Variants in NUP205 observed in about 807,000 individuals in gnomAD.
The protein encoded by NUP205 is nuclear pore complex protein Nup205.
NUP205 carries 76 observed loss-of-function variants against 253.8 expected under a neutral mutation model. The ratio of observed to expected loss-of-function variants is 0.30; its 90% confidence interval spans 0.25 to 0.36. The LOEUF (loss-of-function observed/expected upper bound fraction) is 0.36. NUP205 is among the 10% of genes least tolerant of loss of function. NUP205 has a pLI of 1.00. For synonymous variants in NUP205, 832 were observed against 850.1 expected (o/e 0.98, Z 0.37); for missense variants, 2,162 against 2,425.5 (o/e 0.89, Z 2.28).
chr7:135,566,545 A>G (rs2129489566), intron 1 of NUP205, among the ~76,000 whole-genome samples: 1 of 152,268 alleles, frequency 6.6e-6, no homozygotes, highest in East Asian at 1.9e-4. Context: ...AAAGCAGGGA[A>G]TTGGATGATC....
intron 42 of NUP205, 38 bp downstream of exon 42, chr7:135,646,269 T>C (rs1795007985): frequency 6.9e-7 from 1 of 1,456,656 alleles, no homozygotes. Flanking sequence ...TTTTTCTTCA[T>C]TAAAGTAAAA....
At chr7:135,571,671 G>A (rs1256364882) in intron 2 of NUP205, among the ~76,000 whole-genome samples, 1 of 151,956 alleles carries the variant, frequency 6.6e-6, no homozygotes, top group African/African-American at 2.4e-5. Context: ...TGGAGAATGG[G>A]GAGTCATTCA....
Position 135,645,587 on chromosome 7 carries a change from A to C in NUP205, c.5803A>C (p.Arg1935=). 1 of 1,613,900 alleles carries C rather than the reference A, an allele frequency of 6.2e-7. No individual in the cohort carries two copies. Among genetic ancestry groups the C allele is most frequent in the South Asian group, 1.1e-5 (1 of 91,022 alleles). ...CTCGAGAACCTTGTTTAAAAGCAGA[A>C]GACTGCAAGGTAAACTTTCTGCTAA... ...FASRTLFKSR[R]LQDSFASETN... The change falls in exon 41 of 43, where the codon AGA becomes CGA. Residue 1935 remains arginine, a synonymous_variant. Transcript: ENST00000285968.
Position 135,626,233 on chromosome 7 carries a change from T to C in NUP205, c.4672-7T>C, listed in dbSNP as rs1563134587. The C allele has an allele frequency of 1.2e-6, 2 of 1,614,018 alleles. No individual in the cohort carries two copies. Among genetic ancestry groups the C allele is most frequent in the Non-Finnish European group, 1.7e-6 (2 of 1,179,966 alleles). ...GCACTGATGATTTTTCTCTTGTAAC[T>C]CCTCAGGCATTTCTCACAAGAGTGG... On this transcript the variant is annotated splice_region_variant and splice_polypyrimidine_tract_variant and intron_variant, in intron 32 of 42. Coordinates refer to ENST00000285968, the MANE Select transcript of NUP205 (RefSeq NM_015135.3).
chr7:135,601,538 A>G, intron 17 of NUP205, 31 bp downstream of exon 17: 5 of 1,594,218 alleles, frequency 3.1e-6, no homozygotes, highest in Non-Finnish European at 4.3e-6. Flanking sequence ...ATGTCTTGCA[A>G]ACAGCTTTGA....
chr7:135,561,452 T>G (rs1361879297), intron 1 of NUP205, among the ~76,000 whole-genome samples: 1 of 152,238 alleles, frequency 6.6e-6, no homozygotes, highest in African/African-American at 2.4e-5. Context: ...ACTCACAGAC[T>G]TGTGAATAAG....
At chr7:135,581,776 C>T (rs1806312662) in intron 7 of NUP205, among the ~76,000 whole-genome samples, 1 of 150,852 alleles carries the variant, frequency 6.6e-6, no homozygotes, top group African/African-American at 2.4e-5. Flanking sequence ...TTGCTTGAAC[C>T]TAGTGGGCAG....
At chr7:135,636,188 G>T (rs538576909) in intron 36 of NUP205, among the ~76,000 whole-genome samples, 85 of 152,236 alleles carry the variant, frequency 5.6e-4, no homozygotes, top group South Asian at 1.5e-3. Context: ...CTTTCTGGGA[G>T]CCTCTTGGCC....
intron 1 of NUP205, among the ~76,000 whole-genome samples, chr7:135,564,378 C>G (rs1430183084): frequency 1.3e-5 from 2 of 151,640 alleles, no homozygotes; most frequent in African/African-American, 2.4e-5. Context: ...TCCCAAGTAA[C>G]TGGGATTACA....
chr7:135,567,815 T>C (rs146219519), intron 1 of NUP205, among the ~76,000 whole-genome samples: 304 of 152,326 alleles, frequency 2.0e-3, no homozygotes, highest in Middle Eastern at 3.4e-3. Context: ...TGTTGAGTAA[T>C]TGGTTTTGAC....
At chr7:135,619,912 C>G (rs748266570) in intron 30 of NUP205, 24 bp downstream of exon 30, 1 of 1,445,298 alleles carries the variant, frequency 6.9e-7, no homozygotes. Context: ...AATTCCTAAT[C>G]TTTTCTGGAT....
In NUP205 at chr7:135,644,747, G is replaced by A. The variant is rs997394803; in HGVS notation, c.5560-148G>A. The A allele has an allele frequency of 1.3e-5, 9 of 702,098 alleles. No individual in the cohort carries two copies. In the East Asian group the frequency reaches 2.4e-4, roughly 19 times the overall value. The allele number at this position is 702,098 out of a possible 1,614,324, so 43.5% of individuals were successfully genotyped here. On this transcript the variant is annotated intron_variant, in intron 39 of 42. Transcript: ENST00000285968. Reference sequence around the variant, plus strand: ...TGGCTGTAATTTTTAAAAATTGCTAGCTTCTTAGATAAAAACTCTTATCTG... The same window carrying A: ...TGGCTGTAATTTTTAAAAATTGCTAACTTCTTAGATAAAAACTCTTATCTG...
intron 27 of NUP205, 103 bp from the exon 28 acceptor site, chr7:135,618,309 G>A: frequency 1.1e-6 from 1 of 874,048 alleles, no homozygotes; most frequent in African/African-American, 1.7e-5. Context: ...CTGCTTCCTG[G>A]CATGCATGTA....
chr7:135,603,111 A>AATT, intron 18 of NUP205, 117 bp downstream of exon 18: 1 of 485,926 alleles, frequency 2.1e-6, no homozygotes, highest in Non-Finnish European at 3.1e-6. Flanking sequence ...GCCTCATTTT[A>AATT]CTTTTTTTTT....
chr7:135,595,653 G>A (rs1011513036), intron 13 of NUP205, among the ~76,000 whole-genome samples: 2 of 152,112 alleles, frequency 1.3e-5, no homozygotes, highest in Non-Finnish European at 2.9e-5. Context: ...TCTGTACCCT[G>A]AGGGAATGTA....
chr7:135,565,647 G>T (rs932350956), intron 1 of NUP205, among the ~76,000 whole-genome samples: 1 of 151,970 alleles, frequency 6.6e-6, no homozygotes, highest in African/African-American at 2.4e-5. Flanking sequence ...GATCAGGCTG[G>T]TCTCGAACTC....
At position 135,629,469 on chromosome 7, in the gene NUP205, A is replaced by ATCTCTCTCTCTCTCTCTCTCTCTCTCTC. The variant is rs201403059; in HGVS notation, c.4933-861_4933-834dup. The stretch of plus-strand genomic sequence containing the variant: ...AGCCTGGGCAACATAGTGAGACCCT[A>ATCTCTCTCTCTCTCTCTCTCTCTCTCTC]TCTCTCTCTCTCTCTCTCTCTCTCT... On this transcript the variant is annotated intron_variant, in intron 34 of 42. Transcript: ENST00000285968. 1.1e-3 allele frequency among the ~76,000 whole-genome samples: 137 copies of ATCTCTCTCTCTCTCTCTCTCTCTCTCTC among 119,780 alleles called. 4 individuals are homozygous for ATCTCTCTCTCTCTCTCTCTCTCTCTCTC. The highest frequency in any genetic ancestry group is 1.7e-3 in the Non-Finnish European group (98 of 58,146). 78.6% of individuals were successfully genotyped at this position (119,780 alleles called of 152,430 possible).
intron 41 of NUP205, 36 bp downstream of exon 41, chr7:135,645,632 A>G (rs759980671): frequency 1.6e-5 from 26 of 1,594,702 alleles, no homozygotes; most frequent in Non-Finnish European, 2.0e-5. Flanking sequence ...AACCATAAAT[A>G]CCTATTTGTG....
At chr7:135,585,079 C>G (rs1424181996) in intron 8 of NUP205, 72 bp downstream of exon 8, 2 of 1,292,916 alleles carry the variant, frequency 1.5e-6, no homozygotes, top group Non-Finnish European at 2.1e-6. Context: ...GATTAACCAG[C>G]TTTATGTTTT....
Sources: gnomAD v4.1 joint callset for allele counts (sites outside exome capture counted in the v4.1 genomes callset) on GRCh38, gnomAD v4.1.1 for gene constraint, MANE v1.5 for transcripts, NCBI Gene and HGNC (gene_info 2026-07-23, HGNC 2026-07-21) for gene names.